Variants in NAPA observed in about 807,000 individuals in gnomAD.
The protein encoded by NAPA is NSF attachment protein alpha, also known as alpha-soluble NSF attachment protein.
NAPA carries 18 observed loss-of-function variants against 48.0 expected under a neutral mutation model. That is an observed-to-expected ratio of 0.38 (90% CI 0.26 to 0.56). The LOEUF (loss-of-function observed/expected upper bound fraction) is 0.56. NAPA is among the 20% of genes least tolerant of loss of function. The pLI is 0.77. For synonymous variants in NAPA, 152 were observed against 149.9 expected (o/e 1.01, Z -0.10); for missense variants, 315 against 385.0 (o/e 0.82, Z 1.52).
intron 3 of NAPA, among the ~76,000 whole-genome samples, chr19:47,498,447 C>T (rs1009507491): frequency 3.9e-5 from 6 of 152,228 alleles, no homozygotes; most frequent in Non-Finnish European, 8.8e-5. Context: ...CATCATCTCA[C>T]AGCAGTCTCT....
chr19:47,492,775 C>G, intron 7 of NAPA, 186 bp downstream of exon 7: 1 of 703,000 alleles, frequency 1.4e-6, no homozygotes, highest in Non-Finnish European at 2.6e-6. Flanking sequence ...GGCATGGAGT[C>G]GTAGGTGGAG....
intron 1 of NAPA, among the ~76,000 whole-genome samples, chr19:47,504,914 G>A (rs1269379624): frequency 6.6e-6 from 1 of 152,054 alleles, no homozygotes; most frequent in Non-Finnish European, 1.5e-5. Flanking sequence ...CCAACAGTAG[G>A]GATACACTGG....
In NAPA at chr19:47,500,695, T is replaced by C. The variant is rs775690529; in HGVS notation, c.233A>G (p.Lys78Arg). The C allele has an allele frequency of 3.1e-6, 5 of 1,612,098 alleles. No homozygotes were observed. Among genetic ancestry groups the C allele is most frequent in the African/African-American group, 2.7e-5 (2 of 74,866 alleles). The change falls in exon 3 of 11, where the codon AAG (lysine) becomes AGG (arginine). Residue 78 changes from lysine to arginine, a missense_variant. By Grantham distance (26) the Lys-to-Arg change is conservative. Transcript: ENST00000263354. ...AAQLHLQLQS[K>R]HDAATCFVDA... ...CACAAAGCAGGTGGCTGCGTCGTGC[T>C]TGCTCTGGAGCTGCAGGTGCAGCTG...
chr19:47,490,970 C>T (rs1405709504), intron 8 of NAPA, 114 bp from the exon 9 acceptor site: 5 of 837,748 alleles, frequency 6.0e-6, no homozygotes, highest in Middle Eastern at 2.4e-4. Flanking sequence ...AGCTCTTGCA[C>T]CCCTCCCCCA....
chr19:47,504,522 G>A (rs1968653616), intron 1 of NAPA, among the ~76,000 whole-genome samples: 3 of 151,840 alleles, frequency 2.0e-5, no homozygotes, highest in Admixed American at 2.0e-4. Flanking sequence ...TTCTCTTAAG[G>A]TGAAGCCTGC....
At position 47,514,968 on chromosome 19, in the gene NAPA, GCCTGAC is replaced by G. The variant is rs1968878515; in HGVS notation, c.-34_-29del. ...CGGCCACAAAGGGACTCAGCAAAGCGCCTGACCCTGACCCTGGGAAGACTCAGCCGC... is the reference window on the plus strand; with the variant it reads ...CGGCCACAAAGGGACTCAGCAAAGCGCCTGACCCTGGGAAGACTCAGCCGC... On this transcript the variant is annotated 5_prime_UTR_variant, in exon 1 of 11. Coordinates refer to ENST00000263354, the MANE Select transcript of NAPA (RefSeq NM_003827.4). 2.5e-6 allele frequency: 4 copies of G among 1,607,082 alleles called. No homozygotes were observed. Among genetic ancestry groups the G allele is most frequent in the Non-Finnish European group, 3.4e-6 (4 of 1,174,938 alleles).
chr19:47,488,354 C>T lies in NAPA; in HGVS notation c.822G>A (p.Gln274=), dbSNP rs1218586165. ...KEYDSISRLD[Q]WLTTMLLRIK... Reference sequence around the variant, plus strand: ...TGCGCAGCAGCATGGTGGTGAGCCACTGGTCCAGCCGGGAGATGGAGTCGT... The same window carrying T: ...TGCGCAGCAGCATGGTGGTGAGCCATTGGTCCAGCCGGGAGATGGAGTCGT... The change falls in exon 11 of 11, where the codon CAG becomes CAA. Residue 274 remains glutamine, a synonymous_variant. Transcript: ENST00000263354. 6.2e-7 allele frequency: 1 copy of T among 1,613,674 alleles called. No individual in the cohort carries two copies. Among genetic ancestry groups the T allele is most frequent in the Admixed American group, 1.7e-5 (1 of 60,008 alleles).
intron 1 of NAPA, among the ~76,000 whole-genome samples, chr19:47,509,844 C>T (rs964872832): frequency 5.9e-5 from 9 of 152,172 alleles, no homozygotes; most frequent in African/African-American, 2.2e-4. Flanking sequence ...TATACGGATG[C>T]CCTCCTGCAC....
chr19:47,489,782 G>A lies in NAPA; in HGVS notation c.736-21C>T, dbSNP rs779216973. 1.9e-6 allele frequency: 3 copies of A among 1,613,750 alleles called. No individual in the cohort carries two copies. The Admixed American group carries it at 5.0e-5, about 27-fold the overall frequency. Reference sequence around the variant, plus strand: ...AATTTCTGCAAGCAAATGGCAGAGAGGGGTCAGGGGCCTATGCTGACCTGA... The same window carrying A: ...AATTTCTGCAAGCAAATGGCAGAGAAGGGTCAGGGGCCTATGCTGACCTGA... On this transcript the variant is annotated intron_variant, in intron 9 of 10. Transcript: ENST00000263354.
chr19:47,494,680 G>C (rs555886545), intron 4 of NAPA, among the ~76,000 whole-genome samples: 24 of 145,626 alleles, frequency 1.6e-4, no homozygotes, highest in African/African-American at 6.0e-4. Context: ...AGAGGTTGCA[G>C]TGAGTGGAGA....
At position 47,490,845 on chromosome 19, in the gene NAPA, T is replaced by C. The variant is rs767316290; in HGVS notation, c.678A>G (p.Gln226=). 83 of 1,613,404 alleles carry C rather than the reference T, an allele frequency of 5.1e-5. No homozygotes were observed. The Admixed American group carries it at 1.3e-3, about 26-fold the overall frequency. The part of the protein sequence containing the change: ...IDMLNAKLAV[Q]KYEELFPAFS... Reference sequence around the variant, plus strand: ...AAGCTGGGAACAGCTCCTCATACTTTTGGACAGCCAGCTGGGCAGCAGGGA... The same window carrying C: ...AAGCTGGGAACAGCTCCTCATACTTCTGGACAGCCAGCTGGGCAGCAGGGA... The change falls in exon 9 of 11, where the codon CAA becomes CAG. Residue 226 remains glutamine, a synonymous_variant. Coordinates refer to ENST00000263354, the MANE Select transcript of NAPA (RefSeq NM_003827.4).
At chr19:47,487,195 C>T (rs1352119023), downstream of NAPA, among the ~76,000 whole-genome samples, 4 of 152,210 alleles carry the variant, frequency 2.6e-5, no homozygotes, top group African/African-American at 4.8e-5. Context: ...CTTCCTCCCC[C>T]GTCCTGTGAC....
At chr19:47,499,126 T>A (rs1968507536) in intron 3 of NAPA, among the ~76,000 whole-genome samples, 1 of 152,162 alleles carries the variant, frequency 6.6e-6, no homozygotes, top group Admixed American at 6.5e-5. Flanking sequence ...GCCCACACCC[T>A]GCAGAGTCTC....
chr19:47,513,207 G>A (rs1031994832), intron 1 of NAPA, among the ~76,000 whole-genome samples: 1 of 151,776 alleles, frequency 6.6e-6, no homozygotes, highest in African/African-American at 2.4e-5. Flanking sequence ...CTAAGTCTTC[G>A]TGGATCCCTT....
Position 47,493,253 on chromosome 19 carries a change from G to A in NAPA, c.421-79C>T, listed in dbSNP as rs1411900403. 1.3e-5 allele frequency: 19 copies of A among 1,499,302 alleles called. No homozygotes were observed. The highest frequency in any genetic ancestry group is 7.4e-5 in the South Asian group (6 of 80,704). 92.9% of individuals were successfully genotyped at this position (1,499,302 alleles called of 1,614,324 possible). A position where few individuals can be genotyped will look rare whatever the true frequency, so the allele number is the denominator to read the frequency against. On this transcript the variant is annotated intron_variant, in intron 5 of 10. Transcript: ENST00000263354. This position sits in a 1 kb window ranked among gnomAD's most constrained non-coding sequence, Gnocchi z 6.4. ...CCTCCGTGAAGCTTCCACACCCTCC[G>A]CCCTGCCTGCCTGGGACACAGCCAG...
chr19:47,496,705 A>C, intron 3 of NAPA: 1 of 315,270 alleles, frequency 3.2e-6, no homozygotes, highest in South Asian at 2.5e-5. Context: ...GGCTCCTCTC[A>C]AGGGGCTCAC....
intron 1 of NAPA, among the ~76,000 whole-genome samples, chr19:47,505,779 CTATT>C (rs1024847665): frequency 1.3e-5 from 2 of 152,070 alleles, no homozygotes; most frequent in African/African-American, 4.8e-5. Context: ...GGTAAATAAT[CTATT>C]TATTCCTATC....
downstream of NAPA, chr19:47,487,611 T>C (rs1227697250): frequency 6.6e-6 from 1 of 152,282 alleles, no homozygotes; most frequent in Non-Finnish European, 1.5e-5. Context: ...GCAGAGTGGG[T>C]AGCAGAGGTG....
chr19:47,489,245 G>A, intron 10 of NAPA: 1 of 169,946 alleles, frequency 5.9e-6, no homozygotes, highest in South Asian at 1.6e-4. Context: ...AGAAAGGGAA[G>A]GGAGAGAGAG....
Sources: allele counts gnomAD v4.1 joint callset (sites outside exome capture counted in the v4.1 genomes callset), GRCh38; gene constraint gnomAD v4.1.1; non-coding constraint Gnocchi (gnomAD v3.1); transcripts MANE v1.5; gene names NCBI Gene and HGNC (gene_info 2026-07-23, HGNC 2026-07-21).